Variants in SLC24A2 observed in about 807,000 individuals in gnomAD.
The protein encoded by SLC24A2 is sodium/potassium/calcium exchanger 2.
A neutral mutation model predicts 62.0 loss-of-function variants in SLC24A2; 36 were observed. The observed-to-expected ratio is 0.58, with a 90% confidence interval of 0.44 to 0.77. The LOEUF (loss-of-function observed/expected upper bound fraction) is 0.77. Ranked by LOEUF, SLC24A2 falls within the 30% of genes least tolerant of loss-of-function variation. The pLI, the probability that SLC24A2 is intolerant of heterozygous loss-of-function variation, is 0.00. For missense variants in SLC24A2, 846 were observed against 817.9 expected (o/e 1.03, Z -0.42); for synonymous variants, 358 against 294.0 (o/e 1.22, Z -2.23).
the SLC24A2 span, among the ~76,000 whole-genome samples, chr9:19,918,549 T>C: frequency 5.3e-5 from 8 of 152,232 alleles, no homozygotes; most frequent in South Asian, 2.1e-4. Context: ...TTCTCCCCCA[T>C]GTCACTGTGT....
chr9:20,175,743 G>C, the SLC24A2 span, among the ~76,000 whole-genome samples: 16 of 152,024 alleles, frequency 1.1e-4, no homozygotes, highest in African/African-American at 3.9e-4. Context: ...AATTTACAGT[G>C]TGTTATTACT....
At chr9:19,549,716 A>C (rs1834749991) in intron 8 of SLC24A2, among the ~76,000 whole-genome samples, 2 of 152,200 alleles carry the variant, frequency 1.3e-5, no homozygotes, top group African/African-American at 4.8e-5. Context: ...GATGAGATAC[A>C]CATAACCCTT....
chr9:19,857,864 G>A, the SLC24A2 span, among the ~76,000 whole-genome samples: 1 of 151,688 alleles, frequency 6.6e-6, no homozygotes, highest in African/African-American at 2.4e-5. Context: ...GGGTACTGTT[G>A]CTATATTTTT....
At chr9:20,017,625 T>C in the SLC24A2 span, among the ~76,000 whole-genome samples, 1 of 152,016 alleles carries the variant, frequency 6.6e-6, no homozygotes, top group Non-Finnish European at 1.5e-5. Flanking sequence ...CCCCAAAACC[T>C]CAAAAGTAGG....
chr9:20,117,918 A>G, the SLC24A2 span, among the ~76,000 whole-genome samples: 1 of 152,160 alleles, frequency 6.6e-6, no homozygotes, highest in Non-Finnish European at 1.5e-5. Context: ...AATATTACAA[A>G]TAACTCCCAA....
At chr9:20,122,199 C>T in the SLC24A2 span, among the ~76,000 whole-genome samples, 1 of 152,210 alleles carries the variant, frequency 6.6e-6, no homozygotes, top group Non-Finnish European at 1.5e-5. Flanking sequence ...AAGCATGGAA[C>T]CATTCTAGGC....
chr9:19,755,369 T>G (rs915726001), intron 2 of SLC24A2, among the ~76,000 whole-genome samples: 3 of 152,218 alleles, frequency 2.0e-5, no homozygotes, highest in Admixed American at 1.3e-4. Flanking sequence ...CCCAGAGGAC[T>G]GTTTATCACA....
the SLC24A2 span, among the ~76,000 whole-genome samples, chr9:19,896,419 A>T: frequency 6.6e-6 from 1 of 152,236 alleles, no homozygotes; most frequent in African/African-American, 2.4e-5. Context: ...TTGAAATGCC[A>T]ATTTGCTCAA....
At chr9:19,857,572 T>C in the SLC24A2 span, among the ~76,000 whole-genome samples, 7 of 152,250 alleles carry the variant, frequency 4.6e-5, no homozygotes, top group Non-Finnish European at 8.8e-5. Context: ...ATACAAATTA[T>C]GCACATATTT....
chr9:19,912,985 CCTT>C, the SLC24A2 span, among the ~76,000 whole-genome samples: 1 of 152,052 alleles, frequency 6.6e-6, no homozygotes, highest in East Asian at 1.9e-4. Flanking sequence ...AATATTCTCT[CCTT>C]CTTCAAAGCC....
At chr9:19,554,181 AGCAAGAAGGCAGC>A (rs1834972543) in intron 7 of SLC24A2, among the ~76,000 whole-genome samples, 2 of 152,226 alleles carry the variant, frequency 1.3e-5, no homozygotes, top group South Asian at 4.1e-4. Flanking sequence ...ATGGGGACAC[AGCAAGAAGGCAGC>A]GGCAGCAAGC....
chr9:19,779,697 G>A (rs1315498325), intron 2 of SLC24A2, among the ~76,000 whole-genome samples: 1 of 152,140 alleles, frequency 6.6e-6, no homozygotes, highest in Non-Finnish European at 1.5e-5. Flanking sequence ...AAATATTGAT[G>A]GTAAAATGAC....
At chr9:19,808,594 A>G in the SLC24A2 span, among the ~76,000 whole-genome samples, 1 of 152,224 alleles carries the variant, frequency 6.6e-6, no homozygotes, top group African/African-American at 2.4e-5. This position sits in a 1 kb window ranked among gnomAD's most constrained non-coding sequence, Gnocchi z 4.1. Context: ...AGACACATCC[A>G]GGGCAGCTAC....
At chr9:19,766,341 T>C in intron 2 of SLC24A2, among the ~76,000 whole-genome samples, 1 of 152,222 alleles carries the variant, frequency 6.6e-6, no homozygotes, top group African/African-American at 2.4e-5. Context: ...GTTCCCTTGC[T>C]GGTGAGGAGT....
At chr9:20,025,978 A>G in the SLC24A2 span, among the ~76,000 whole-genome samples, 1 of 152,212 alleles carries the variant, frequency 6.6e-6, no homozygotes, top group Non-Finnish European at 1.5e-5. Context: ...CATGATAGTA[A>G]GGAATATTAT....
the SLC24A2 span, among the ~76,000 whole-genome samples, chr9:19,849,769 A>T: frequency 6.6e-6 from 1 of 152,190 alleles, no homozygotes; most frequent in Admixed American, 6.6e-5. Context: ...GAGAAGACAT[A>T]AATATAGCTG....
the SLC24A2 span, among the ~76,000 whole-genome samples, chr9:20,261,330 G>C: frequency 0.65 from 99,321 of 151,784 alleles, 34,687 homozygotes; most frequent in East Asian, 0.95. Context: ...AGGCTGGGAA[G>C]TCCAGTGTCA....
chr9:19,524,137 C>CAAAAAAAAAA (rs57173482), intron 9 of SLC24A2, among the ~76,000 whole-genome samples: 8 of 84,702 alleles, frequency 9.4e-5, no homozygotes, highest in Non-Finnish European at 1.3e-4. Flanking sequence ...ACTTCATTTT[C>CAAAAAAAAAA]AAAAAAAAAA....
chr9:19,708,219 A>G (rs1475651256), intron 2 of SLC24A2, among the ~76,000 whole-genome samples: 1 of 152,240 alleles, frequency 6.6e-6, no homozygotes, highest in Non-Finnish European at 1.5e-5. Flanking sequence ...GACCTCTTCA[A>G]GCAGAACTAC....
Sources: allele counts gnomAD v4.1 joint callset (sites outside exome capture counted in the v4.1 genomes callset), GRCh38; gene constraint gnomAD v4.1.1; non-coding constraint Gnocchi (gnomAD v3.1); transcripts MANE v1.5; gene names NCBI Gene and HGNC (gene_info 2026-07-23, HGNC 2026-07-21).